PTPRN2: variants seen among roughly 807,000 people sequenced by gnomAD.
PTPRN2 encodes protein tyrosine phosphatase receptor type N2, also known as receptor-type tyrosine-protein phosphatase N2.
Under a neutral mutation model 118.8 loss-of-function variants are expected in PTPRN2, and 74 were observed. The ratio of observed to expected loss-of-function variants is 0.62; its 90% confidence interval spans 0.52 to 0.76. The LOEUF (loss-of-function observed/expected upper bound fraction) is 0.76, where lower values mean the gene tolerates loss of function less well. PTPRN2 is among the 30% of genes least tolerant of loss of function. The probability of loss-of-function intolerance (pLI) is 0.00; values close to 1 mark genes in which losing one functional copy is unlikely to be tolerated. For missense variants in PTPRN2, 1,481 were observed against 1,394.4 expected, an observed-to-expected ratio of 1.06 and a Z score of -0.99; for synonymous variants, 641 against 608.0, an observed-to-expected ratio of 1.05 and a Z score of -0.80.
intron 2 of PTPRN2, among the ~76,000 whole-genome samples, chr7:158,333,891 A>T (rs1333868312): frequency 4.2e-5 from 6 of 143,910 alleles, no homozygotes; most frequent in South Asian, 2.4e-4. Context: ...TCACCATAAG[A>T]GCTGACACCC....
chr7:158,514,928 A>G (rs937383907), intron 1 of PTPRN2, among the ~76,000 whole-genome samples: 2 of 152,144 alleles, frequency 1.3e-5, no homozygotes, highest in African/African-American at 4.8e-5. Context: ...GGGCATCATC[A>G]TGAGGCCTCT....
intron 2 of PTPRN2, among the ~76,000 whole-genome samples, chr7:158,333,796 TAA>T (rs1180376899): frequency 7.0e-6 from 1 of 143,076 alleles, no homozygotes; most frequent in African/African-American, 2.6e-5. Flanking sequence ...ACTCTCACCA[TAA>T]GAGCTGAGGC....
At chr7:158,511,798 C>T (rs1164278994) in intron 1 of PTPRN2, among the ~76,000 whole-genome samples, 1 of 152,210 alleles carries the variant, frequency 6.6e-6, no homozygotes, top group African/African-American at 2.4e-5. Context: ...TTCCCACATG[C>T]ACATTGCTAA....
chr7:158,571,974 T>C lies in PTPRN2; in HGVS notation c.112+15584A>G, dbSNP rs758477735. Reference sequence around the variant, plus strand: ...GAATTAACCTCATGAAATTCTACTATAAGATAAGCACTAGGAATGCACTGG... The same window carrying C: ...GAATTAACCTCATGAAATTCTACTACAAGATAAGCACTAGGAATGCACTGG... On this transcript the variant is annotated intron_variant, in intron 1 of 22. Coordinates refer to ENST00000389418, the MANE Select transcript of PTPRN2 (RefSeq NM_002847.5). 4.3e-4 allele frequency among the ~76,000 whole-genome samples: 66 copies of C among 152,268 alleles called. 1 individual carries two copies. The highest frequency in any genetic ancestry group is 8.5e-4 in the Non-Finnish European group (58 of 68,024).
intron 12 of PTPRN2, among the ~76,000 whole-genome samples, chr7:157,783,056 G>C (rs545795830): frequency 6.6e-6 from 1 of 152,168 alleles, no homozygotes; most frequent in East Asian, 1.9e-4. Context: ...CACAAGATCT[G>C]ACGGTTTTAT....
At chr7:157,837,891 C>T (rs775481341) in intron 12 of PTPRN2, among the ~76,000 whole-genome samples, 20 of 152,216 alleles carry the variant, frequency 1.3e-4, no homozygotes, top group Admixed American at 3.3e-4. Context: ...CAGTGGAGTC[C>T]GACACTTGCT....
chr7:157,827,418 G>A (rs921609649), intron 12 of PTPRN2, among the ~76,000 whole-genome samples: 10 of 91,960 alleles, frequency 1.1e-4, no homozygotes, highest in Admixed American at 9.8e-4. Context: ...CACAGTGTGG[G>A]CCGTGGCTGT....
At chr7:157,635,247 A>G (rs1804240604) in intron 14 of PTPRN2, among the ~76,000 whole-genome samples, 1 of 152,244 alleles carries the variant, frequency 6.6e-6, no homozygotes, top group Non-Finnish European at 1.5e-5. Context: ...CTACATGATC[A>G]GTAACCATGT....
intron 3 of PTPRN2, among the ~76,000 whole-genome samples, chr7:158,311,877 A>C (rs1261268928): frequency 2.0e-5 from 3 of 148,288 alleles, no homozygotes; most frequent in Non-Finnish European, 4.4e-5. Context: ...GTAGACACCC[A>C]CACACCTGCA....
chr7:157,771,325 C>T (rs1196595685), intron 12 of PTPRN2, among the ~76,000 whole-genome samples: 1 of 152,236 alleles, frequency 6.6e-6, no homozygotes, highest in East Asian at 1.9e-4. Context: ...CAGGGCTCTC[C>T]AATTTGGGAT....
chr7:158,510,874 C>T (rs545289341), intron 1 of PTPRN2, among the ~76,000 whole-genome samples: 22 of 152,324 alleles, frequency 1.4e-4, no homozygotes, highest in East Asian at 5.8e-4. Flanking sequence ...TGCTGGGAAA[C>T]GACATGTGTC....
chr7:157,840,552 A>G (rs1250441559), intron 12 of PTPRN2, among the ~76,000 whole-genome samples: 1 of 152,142 alleles, frequency 6.6e-6, no homozygotes, highest in Non-Finnish European at 1.5e-5. Context: ...GTGGGAGTGG[A>G]GAGGGTACGG....
chr7:158,346,475 T>C (rs1443398454), intron 2 of PTPRN2, among the ~76,000 whole-genome samples: 2 of 152,264 alleles, frequency 1.3e-5, no homozygotes, highest in African/African-American at 4.8e-5. Context: ...TCCTTCCTTT[T>C]TAAGACTGAA....
chr7:158,488,378 A>C (rs976352892), intron 2 of PTPRN2, among the ~76,000 whole-genome samples: 2 of 152,132 alleles, frequency 1.3e-5, no homozygotes, highest in African/African-American at 4.8e-5. Context: ...AAAGAAGAGA[A>C]AACAGCAGAA....
intron 12 of PTPRN2, among the ~76,000 whole-genome samples, chr7:157,885,425 A>T (rs1283596092): frequency 6.6e-6 from 1 of 152,136 alleles, no homozygotes; most frequent in Non-Finnish European, 1.5e-5. Flanking sequence ...CTGGGCAGAG[A>T]AAGGCACCTG....
At chr7:158,103,438 A>G (rs1815408882) in intron 10 of PTPRN2, among the ~76,000 whole-genome samples, 1 of 152,234 alleles carries the variant, frequency 6.6e-6, no homozygotes, top group Admixed American at 6.5e-5. Flanking sequence ...CTCAAAGACC[A>G]TCAGGAAAAC....
Position 157,893,708 on chromosome 7 carries a change from G to A in PTPRN2, c.1788+4965C>T, listed in dbSNP as rs1286195466. ...AGGACACCTGTGGCCATACACACCT[G>A]TTGCTCGGTGAATGGGTCAGGGCTG... On this transcript the variant is annotated intron_variant, in intron 12 of 22. Transcript: ENST00000389418. The surrounding 1 kb of genome is among the most constrained non-coding windows in gnomAD (Gnocchi z 4.0). Among the ~76,000 whole-genome samples the A allele has an allele frequency of 6.6e-6, 1 of 152,172 alleles. No homozygotes were observed. The highest frequency in any genetic ancestry group is 1.5e-5 in the Non-Finnish European group (1 of 68,036).
rs1225958007 is a variant in PTPRN2 at position 158,093,812 on chromosome 7, A to G, written c.1644-12435T>C. Among the ~76,000 whole-genome samples the G allele has an allele frequency of 6.6e-6, 1 of 152,198 alleles. No individual in the cohort carries two copies. The highest frequency in any genetic ancestry group is 2.4e-5 in the African/African-American group (1 of 41,436). On this transcript the variant is annotated intron_variant, in intron 10 of 22. Transcript: ENST00000389418. The surrounding 1 kb of genome is among the most constrained non-coding windows in gnomAD (Gnocchi z 4.4). ...AAAATATCTAGCCTAAGAGCTTACA[A>G]AGGAGGAAGAAGAGAGAACCAATTC...
intron 13 of PTPRN2, among the ~76,000 whole-genome samples, chr7:157,675,093 T>C (rs923885191): frequency 1.3e-5 from 2 of 152,222 alleles, no homozygotes; most frequent in Admixed American, 6.5e-5. Flanking sequence ...CACCGCCTAC[T>C]GTTTCTTTTG....
Sources: allele counts gnomAD v4.1 joint callset (sites outside exome capture counted in the v4.1 genomes callset), GRCh38; gene constraint gnomAD v4.1.1; non-coding constraint Gnocchi (gnomAD v3.1); transcripts MANE v1.5; gene names NCBI Gene and HGNC (gene_info 2026-07-23, HGNC 2026-07-21).